Variants in HECTD2 observed in about 807,000 individuals in gnomAD.
The protein encoded by HECTD2 is HECT domain E3 ubiquitin protein ligase 2.
HECTD2 carries 35 observed loss-of-function variants against 103.2 expected under a neutral mutation model. The observed-to-expected ratio is 0.34, with a 90% CI of 0.26 to 0.45. HECTD2 has a LOEUF of 0.45. Ranked by LOEUF, HECTD2 falls within the 20% of genes least tolerant of loss-of-function variation. The probability of loss-of-function intolerance (pLI) is 1.00; values close to 1 mark genes in which losing one functional copy is unlikely to be tolerated. For missense variants in HECTD2, 596 were observed against 937.4 expected (o/e 0.64, Z 4.76); for synonymous variants, 281 against 329.9 (o/e 0.85, Z 1.61).
chr10:91,506,561 A>C (rs1022788304), intron 20 of HECTD2, among the ~76,000 whole-genome samples: 1 of 152,166 alleles, frequency 6.6e-6, no homozygotes, highest in Non-Finnish European at 1.5e-5. Context: ...ACACTCTCCC[A>C]AGACTAAACC....
intron 18 of HECTD2, 131 bp from the exon 19 acceptor site, chr10:91,500,371 T>G: frequency 6.8e-6 from 3 of 443,546 alleles, no homozygotes; most frequent in Non-Finnish European, 8.3e-6. Context: ...AGTCGATTTT[T>G]CTTCAACAAA....
At chr10:91,434,235 T>C (rs1443529738) in intron 2 of HECTD2, among the ~76,000 whole-genome samples, 1 of 151,972 alleles carries the variant, frequency 6.6e-6, no homozygotes, top group Admixed American at 6.6e-5. Flanking sequence ...CTATAGACAA[T>C]GATGTAAAAA....
rs532263781 is a variant in HECTD2, at chr10:91,504,557, C to T, written c.2210+3223C>T. Among the ~76,000 whole-genome samples, 8 of 151,854 alleles carry T rather than the reference C, an allele frequency of 5.3e-5. No homozygotes were observed. In the East Asian group the frequency reaches 7.7e-4, roughly 15 times the overall value. ...GGAAGATGAAATGAATGAAATGAAG[C>T]GAGAAGGAAAGTTTAGAGAAAAAAG... is the stretch of plus-strand genomic sequence containing the variant. On this transcript the variant is annotated intron_variant, in intron 20 of 20. Transcript: ENST00000298068.
chr10:91,483,860 C>A (rs367676582), intron 8 of HECTD2, among the ~76,000 whole-genome samples: 19 of 151,880 alleles, frequency 1.3e-4, no homozygotes, highest in African/African-American at 4.3e-4. Context: ...ATTGAACTCA[C>A]GGCTAGCAGC....
intron 1 of HECTD2, among the ~76,000 whole-genome samples, chr10:91,417,559 C>G (rs887885155): frequency 2.0e-5 from 3 of 148,988 alleles, no homozygotes; most frequent in East Asian, 4.2e-4. Flanking sequence ...TGTTCCCTTT[C>G]CTGTGTCCAT....
Position 91,472,984 on chromosome 10 carries a change from G to A in HECTD2, c.601-5217G>A, listed in dbSNP as rs1455391790. Among the ~76,000 whole-genome samples the A allele has an allele frequency of 3.3e-5, 5 of 152,142 alleles. No individual in the cohort carries two copies. In the East Asian group the frequency reaches 9.6e-4, roughly 29 times the overall value. On this transcript the variant is annotated intron_variant, in intron 5 of 20. Coordinates refer to ENST00000298068, the MANE Select transcript of HECTD2 (RefSeq NM_182765.6). ...GATAAACTATAAAAATAATAAAGAT[G>A]TATAGAGGTTAGAATAAGAAAGACT...
At chr10:91,450,943 G>T (rs1027338298) in intron 2 of HECTD2, among the ~76,000 whole-genome samples, 1 of 152,192 alleles carries the variant, frequency 6.6e-6, no homozygotes, top group Non-Finnish European at 1.5e-5. Flanking sequence ...CATTGTGGAA[G>T]ATGGTGTGGT....
chr10:91,443,978 A>G (rs2133120900), intron 2 of HECTD2, among the ~76,000 whole-genome samples: 1 of 152,304 alleles, frequency 6.6e-6, no homozygotes, highest in East Asian at 1.9e-4. Flanking sequence ...CTTATAGATT[A>G]TATTTGGTAA....
At chr10:91,438,065 C>T (rs925193410) in intron 2 of HECTD2, among the ~76,000 whole-genome samples, 1 of 151,518 alleles carries the variant, frequency 6.6e-6, no homozygotes, top group Non-Finnish European at 1.5e-5. Flanking sequence ...TTTTTGAAAC[C>T]TTAGGAACAA....
chr10:91,445,072 T>A (rs1844541517), intron 2 of HECTD2, among the ~76,000 whole-genome samples: 1 of 152,164 alleles, frequency 6.6e-6, no homozygotes, highest in Admixed American at 6.6e-5. Context: ...TAACTATGTG[T>A]AAGGGTGTGA....
At chr10:91,509,817 C>G (rs1031339993) in intron 20 of HECTD2, among the ~76,000 whole-genome samples, 23 of 152,200 alleles carry the variant, frequency 1.5e-4, no homozygotes, top group Non-Finnish European at 8.8e-5. Flanking sequence ...AAGAAACTGC[C>G]TATCAGGTAC....
Position 91,512,546 on chromosome 10 carries a change from G to C in HECTD2, c.*162G>C, listed in dbSNP as rs1847464153. The stretch of plus-strand genomic sequence containing the variant: ...CAAATATGAAGTATGTTCAGCAAAG[G>C]CATAATTTTCTAAAAACACACACAG... On this transcript the variant is annotated 3_prime_UTR_variant, in exon 21 of 21. Transcript: ENST00000298068. The C allele has an allele frequency of 4.7e-6, 3 of 645,014 alleles. No individual in the cohort carries two copies. Among genetic ancestry groups the C allele is most frequent in the Non-Finnish European group, 7.5e-6 (3 of 401,148 alleles). 40.0% of individuals were successfully genotyped at this position (645,014 alleles called of 1,614,324 possible). A position where few individuals can be genotyped will look rare whatever the true frequency, so the allele number is the denominator to read the frequency against.
In HECTD2 at chr10:91,487,900, G is replaced by A. The variant is rs997559523; in HGVS notation, c.1191+122G>A. On this transcript the variant is annotated intron_variant, in intron 11 of 20. Transcript: ENST00000298068. This position sits in a 1 kb window ranked among gnomAD's most constrained non-coding sequence, Gnocchi z 4.1. ...ATCAGGAATGTTAAAAGCAAAATTC[G>A]TGTTATACTCACCCAAAAAGTGCTT... 18 of 603,872 alleles carry A rather than the reference G, an allele frequency of 3.0e-5. No individual in the cohort carries two copies. The highest frequency in any genetic ancestry group is 1.8e-4 in the South Asian group (6 of 33,694). 37.4% of individuals were successfully genotyped at this position (603,872 alleles called of 1,614,324 possible). A position where few individuals can be genotyped will look rare whatever the true frequency, so the allele number is the denominator to read the frequency against.
intron 1 of HECTD2, among the ~76,000 whole-genome samples, chr10:91,415,837 T>C (rs1843106225): frequency 6.6e-6 from 1 of 152,226 alleles, no homozygotes; most frequent in Non-Finnish European, 1.5e-5. Context: ...TATTTGCTTT[T>C]TTATGGTATG....
chr10:91,509,496 C>T (rs1229848635), intron 20 of HECTD2, among the ~76,000 whole-genome samples: 3 of 151,978 alleles, frequency 2.0e-5, no homozygotes, highest in African/African-American at 4.8e-5. Context: ...GTCATAAAGA[C>T]ACATGCATGC....
intron 5 of HECTD2, among the ~76,000 whole-genome samples, chr10:91,471,805 T>A (rs1167389378): frequency 1.3e-5 from 2 of 151,904 alleles, no homozygotes; most frequent in Admixed American, 1.3e-4. Context: ...CTCCAAAAAA[T>A]TACAGATGAA....
intron 2 of HECTD2, among the ~76,000 whole-genome samples, chr10:91,431,938 G>T (rs1168993353): frequency 6.6e-6 from 1 of 151,698 alleles, no homozygotes; most frequent in Non-Finnish European, 1.5e-5. Flanking sequence ...TGCGAAGTTG[G>T]GGTATTTGCA....
intron 6 of HECTD2, among the ~76,000 whole-genome samples, chr10:91,480,432 T>G (rs1478033390): frequency 6.6e-6 from 1 of 152,078 alleles, no homozygotes; most frequent in African/African-American, 2.4e-5. Context: ...TTAGGAATCA[T>G]GAATTGCATC....
At chr10:91,412,632 A>AG (rs1842967195) in intron 1 of HECTD2, among the ~76,000 whole-genome samples, 1 of 149,256 alleles carries the variant, frequency 6.7e-6, no homozygotes, top group African/African-American at 2.5e-5. Context: ...TTATTTTTTA[A>AG]AAAAAAAAAC....
Sources: gnomAD v4.1 joint callset for allele counts (sites outside exome capture counted in the v4.1 genomes callset) on GRCh38, gnomAD v4.1.1 for gene constraint, Gnocchi (gnomAD v3.1) non-coding constraint, MANE v1.5 for transcripts, NCBI Gene and HGNC (gene_info 2026-07-23, HGNC 2026-07-21) for gene names.